Variants in ANKS1A observed in about 807,000 individuals in gnomAD.
ANKS1A encodes ankyrin repeat and sterile alpha motif domain containing 1A.
In ANKS1A, 55 loss-of-function variants were observed where a neutral mutation model predicts 120.3. That is an observed-to-expected ratio of 0.46 (90% CI 0.37 to 0.57). The LOEUF is 0.57. ANKS1A is among the 20% of genes least tolerant of loss of function. The probability of loss-of-function intolerance (pLI) is 0.00; values close to 1 mark genes in which losing one functional copy is unlikely to be tolerated. For missense variants in ANKS1A, 1,123 were observed against 1,480.3 expected, an observed-to-expected ratio of 0.76 and a Z score of 3.96; for synonymous variants, 590 against 604.7, an observed-to-expected ratio of 0.98 and a Z score of 0.36.
chr6:35,097,701 G>T, the ANKS1A span, among the ~76,000 whole-genome samples: 25 of 148,774 alleles, frequency 1.7e-4, no homozygotes, highest in African/African-American at 5.4e-4. Flanking sequence ...GCCCATCCAC[G>T]TTGATTATTC....
intron 10 of ANKS1A, among the ~76,000 whole-genome samples, chr6:34,995,745 G>T (rs1772816302): frequency 6.6e-6 from 1 of 152,056 alleles, no homozygotes; most frequent in Non-Finnish European, 1.5e-5. Context: ...TCAATAATTC[G>T]TTCCTTTTCA....
intron 11 of ANKS1A, among the ~76,000 whole-genome samples, chr6:35,041,540 A>G (rs1561933417): frequency 6.6e-6 from 1 of 152,166 alleles, no homozygotes; most frequent in Non-Finnish European, 1.5e-5. Context: ...CTTGCTAACA[A>G]ACCCAAGGGT....
chr6:34,924,277 T>C (rs1768595884), intron 1 of ANKS1A, among the ~76,000 whole-genome samples: 1 of 152,170 alleles, frequency 6.6e-6, no homozygotes, highest in African/African-American at 2.4e-5. Flanking sequence ...TTATGATGCA[T>C]TTATAGGTTC....
rs1408950561 is a variant in ANKS1A, at chr6:34,945,171, G to A, written c.198-22068G>A. Among the ~76,000 whole-genome samples the A allele has an allele frequency of 3.9e-5, 6 of 152,254 alleles. 1 individual carries two copies. Among genetic ancestry groups the A allele is most frequent in the South Asian group, 4.1e-4 (2 of 4,822 alleles). ...GCTTACTGCAGCCTTGACCTCCCAG[G>A]CTCAAGTGATTCTTCTGCCTCAGCC... On this transcript the variant is annotated intron_variant, in intron 1 of 23. Coordinates refer to ENST00000360359, the MANE Select transcript of ANKS1A (RefSeq NM_015245.3).
chr6:35,042,435 A>G (rs1350399712), intron 11 of ANKS1A, among the ~76,000 whole-genome samples: 6 of 152,192 alleles, frequency 3.9e-5, no homozygotes. Context: ...CCACTTTTAA[A>G]AGCTCTTTGT....
At chr6:34,916,011 G>T (rs1243732210) in intron 1 of ANKS1A, among the ~76,000 whole-genome samples, 2 of 113,370 alleles carry the variant, frequency 1.8e-5, no homozygotes, top group African/African-American at 7.9e-5. Context: ...TTTTTTTTTG[G>T]AGATGGAGTC....
At position 35,082,194 on chromosome 6, in the gene ANKS1A, C is replaced by T. The variant is rs922942026; in HGVS notation, c.2710-497C>T. 6.6e-6 allele frequency among the ~76,000 whole-genome samples: 1 copy of T among 152,084 alleles called. No homozygotes were observed. The highest frequency in any genetic ancestry group is 6.5e-5 in the Admixed American group (1 of 15,280). ...TGGACCGCAGTGGCCTCCCCCACCC[C>T]CTAGCTGCTGCCAGAAGGATCCATT... On this transcript the variant is annotated intron_variant, in intron 17 of 23. Transcript: ENST00000360359. This position sits in a 1 kb window ranked among gnomAD's most constrained non-coding sequence, Gnocchi z 4.1.
At chr6:35,024,525 G>A (rs150435476) in intron 11 of ANKS1A, among the ~76,000 whole-genome samples, 75 of 152,358 alleles carry the variant, frequency 4.9e-4, no homozygotes, top group African/African-American at 1.5e-3. Flanking sequence ...TGGGAGATGG[G>A]TGAAGAGCAG....
chr6:34,972,136 C>A (rs1771215052), intron 3 of ANKS1A, among the ~76,000 whole-genome samples: 1 of 152,146 alleles, frequency 6.6e-6, no homozygotes, highest in Non-Finnish European at 1.5e-5. Flanking sequence ...CCTCTTTGCT[C>A]ACGTTTGCCT....
intron 10 of ANKS1A, 127 bp from the exon 11 acceptor site, chr6:35,017,346 C>T: frequency 2.1e-6 from 2 of 944,434 alleles, no homozygotes; most frequent in Non-Finnish European, 3.1e-6. Context: ...CCCTCCCCAG[C>T]CTATCCAGTT....
At chr6:34,946,163 T>C (rs1275967656) in intron 1 of ANKS1A, among the ~76,000 whole-genome samples, 1 of 151,908 alleles carries the variant, frequency 6.6e-6, no homozygotes, top group Non-Finnish European at 1.5e-5. Flanking sequence ...ATGTTTTTAG[T>C]AGAGATGGGG....
chr6:34,912,290 C>G (rs977032863), intron 1 of ANKS1A, among the ~76,000 whole-genome samples: 16 of 152,338 alleles, frequency 1.1e-4, no homozygotes, highest in African/African-American at 3.6e-4. Context: ...TAATTAGCAT[C>G]ACTGTCAGCA....
chr6:35,032,025 G>GC (rs1011604677), intron 11 of ANKS1A, among the ~76,000 whole-genome samples: 1 of 152,210 alleles, frequency 6.6e-6, no homozygotes, highest in African/African-American at 2.4e-5. Context: ...CCTACTGTGT[G>GC]CTTAGGCTGG....
At chr6:34,918,358 A>C (rs1464758779) in intron 1 of ANKS1A, among the ~76,000 whole-genome samples, 1 of 152,160 alleles carries the variant, frequency 6.6e-6, no homozygotes. Flanking sequence ...TCACTTCCAA[A>C]ATGGGGGTGG....
At chr6:34,993,119 G>T (rs1772664646) in intron 9 of ANKS1A, among the ~76,000 whole-genome samples, 1 of 152,226 alleles carries the variant, frequency 6.6e-6, no homozygotes, top group African/African-American at 2.4e-5. Flanking sequence ...TGATCAAGAA[G>T]AGATCTTGAG....
At chr6:34,902,798 G>A (rs1258500921) in intron 1 of ANKS1A, among the ~76,000 whole-genome samples, 2 of 131,448 alleles carry the variant, frequency 1.5e-5, no homozygotes, top group Admixed American at 7.8e-5. Context: ...GCAAGACTCC[G>A]TCTCAAAAAA....
intron 1 of ANKS1A, among the ~76,000 whole-genome samples, chr6:34,939,369 A>G (rs1769417771): frequency 6.6e-6 from 1 of 152,100 alleles, no homozygotes; most frequent in African/African-American, 2.4e-5. Flanking sequence ...GATCCTGTGT[A>G]TTTCATCAGG....
chr6:35,037,802 T>A (rs1165895023), intron 11 of ANKS1A, among the ~76,000 whole-genome samples: 1 of 152,190 alleles, frequency 6.6e-6, no homozygotes, highest in Non-Finnish European at 1.5e-5. Flanking sequence ...GCCTACTGTC[T>A]GCTTTACCAC....
chr6:34,979,052 C>T (rs1384146059), intron 3 of ANKS1A, among the ~76,000 whole-genome samples: 3 of 151,910 alleles, frequency 2.0e-5, no homozygotes, highest in South Asian at 4.2e-4. Flanking sequence ...CCCGCCACCA[C>T]GCCCGGGTAA....
Sources: allele counts gnomAD v4.1 joint callset (sites outside exome capture counted in the v4.1 genomes callset), GRCh38; gene constraint gnomAD v4.1.1; non-coding constraint Gnocchi (gnomAD v3.1); transcripts MANE v1.5; gene names NCBI Gene and HGNC (gene_info 2026-07-23, HGNC 2026-07-21).